FMNL2: variants seen among roughly 807,000 people sequenced by gnomAD.
FMNL2 encodes formin-like protein 2.
In FMNL2, 51 loss-of-function variants were observed where a neutral mutation model predicts 130.2. The observed-to-expected ratio is 0.39, with a 90% CI of 0.31 to 0.49. FMNL2 has a LOEUF of 0.49. Ranked by LOEUF, FMNL2 falls within the 20% of genes least tolerant of loss-of-function variation. The probability of loss-of-function intolerance (pLI) is 0.85; values close to 1 mark genes in which losing one functional copy is unlikely to be tolerated. For synonymous variants in FMNL2, 465 were observed against 467.1 expected (o/e 1.00, Z 0.06); for missense variants, 977 against 1,316.2 (o/e 0.74, Z 3.99).
intron 4 of FMNL2, among the ~76,000 whole-genome samples, chr2:152,554,793 T>G (rs1695118949): frequency 6.6e-6 from 1 of 152,174 alleles, no homozygotes; most frequent in African/African-American, 2.4e-5. Flanking sequence ...ATCACCATAG[T>G]TTGTCAGTTA....
chr2:152,361,878 T>A (rs61079826), intron 1 of FMNL2, among the ~76,000 whole-genome samples: 15,585 of 152,260 alleles, frequency 0.1, 2,169 homozygotes, highest in East Asian at 0.68. Context: ...ATTTTAGTCT[T>A]GTTACTATAA....
intron 4 of FMNL2, among the ~76,000 whole-genome samples, chr2:152,551,179 C>T (rs867605335): frequency 2.4e-4 from 37 of 151,750 alleles, no homozygotes; most frequent in South Asian, 8.3e-4. Context: ...TAAGCATTGC[C>T]GAAGTAATGT....
At chr2:152,608,057 C>T (rs1159883963) in intron 10 of FMNL2, among the ~76,000 whole-genome samples, 1 of 152,056 alleles carries the variant, frequency 6.6e-6, no homozygotes, top group African/African-American at 2.4e-5. Flanking sequence ...CATTCATACA[C>T]GTAAATCTTA....
chr2:152,399,408 G>T (rs765766040), intron 1 of FMNL2, among the ~76,000 whole-genome samples: 1 of 152,150 alleles, frequency 6.6e-6, no homozygotes, highest in Non-Finnish European at 1.5e-5. Flanking sequence ...ATAGATGCTG[G>T]TCCCTCTGGA....
At chr2:152,624,042 TTCCC>T (rs1364291371) in intron 15 of FMNL2, among the ~76,000 whole-genome samples, 199 of 30,336 alleles carry the variant, frequency 6.6e-3, no homozygotes, top group African/African-American at 7.6e-3. Flanking sequence ...ATTCCTTCCC[TTCCC>T]TCCCCTCCCC....
intron 6 of FMNL2, among the ~76,000 whole-genome samples, chr2:152,573,961 G>A (rs1464976904): frequency 2.6e-5 from 4 of 152,166 alleles, no homozygotes; most frequent in African/African-American, 9.7e-5. Context: ...ACAAATAGAA[G>A]CCCTTTGTGT....
At position 152,472,307 on chromosome 2, in the gene FMNL2, GTACGAAAT is replaced by G. The variant is rs1689901081; in HGVS notation, c.118-49633_118-49626del. 2.6e-5 allele frequency among the ~76,000 whole-genome samples: 4 copies of G among 152,270 alleles called. No homozygotes were observed. The South Asian group carries it at 8.3e-4, about 32-fold the overall frequency. ...CAGGTTTTAGATATCCAATTAGTGT[GTACGAAAT>G]TATCCTGGTCACTTATGTCTCAGTT... On this transcript the variant is annotated intron_variant, in intron 1 of 25. Coordinates refer to ENST00000288670, the MANE Select transcript of FMNL2 (RefSeq NM_052905.4).
At chr2:152,338,875 G>A (rs1681640554) in intron 1 of FMNL2, among the ~76,000 whole-genome samples, 1 of 140,538 alleles carries the variant, frequency 7.1e-6, no homozygotes, top group Non-Finnish European at 1.6e-5. Context: ...GCCTTTGTGT[G>A]TGTGTATGTG....
chr2:152,560,714 C>A (rs1339503511), intron 5 of FMNL2, among the ~76,000 whole-genome samples, 169 bp from the exon 6 acceptor site: 1 of 152,190 alleles, frequency 6.6e-6, no homozygotes. Flanking sequence ...TTAAAGCTAA[C>A]ACTGAGCCCA....
chr2:152,627,125 G>A (rs1388248647), intron 17 of FMNL2, among the ~76,000 whole-genome samples: 1 of 152,210 alleles, frequency 6.6e-6, no homozygotes, highest in East Asian at 1.9e-4. Flanking sequence ...AGTTTTCTCT[G>A]GAGTATCTGG....
intron 1 of FMNL2, among the ~76,000 whole-genome samples, chr2:152,460,608 A>G (rs997469848): frequency 1.1e-4 from 17 of 152,220 alleles, no homozygotes; most frequent in African/African-American, 3.9e-4. Flanking sequence ...AGGCCGCACA[A>G]GGGGCAAGTG....
intron 1 of FMNL2, among the ~76,000 whole-genome samples, chr2:152,400,832 G>A (rs1247990595): frequency 2.0e-5 from 3 of 152,170 alleles, no homozygotes; most frequent in Admixed American, 2.0e-4. Flanking sequence ...AATATGCCCT[G>A]GGGGGCAGTC....
chr2:152,421,324 A>G lies in FMNL2; in HGVS notation c.117+85604A>G, dbSNP rs149055900. On this transcript the variant is annotated intron_variant, in intron 1 of 25. Transcript: ENST00000288670. ...CCAACCACAAATTAATTATCCTACT[A>G]TATTTGCAGCAGTGTTAGGGTTACA... 5.9e-3 allele frequency among the ~76,000 whole-genome samples: 906 copies of G among 152,346 alleles called. 9 individuals carry two copies. The highest frequency in any genetic ancestry group is 7.1e-3 in the Non-Finnish European group (483 of 68,028).
In FMNL2 at chr2:152,497,521, C is replaced by T. The variant is rs141959746; in HGVS notation, c.118-24422C>T. Among the ~76,000 whole-genome samples the T allele has an allele frequency of 2.2e-3, 339 of 152,264 alleles. 3 individuals carry two copies. Among genetic ancestry groups the T allele is most frequent in the African/African-American group, 7.8e-3 (325 of 41,548 alleles). ...CTTATAAATACATGAAAAGTATGCT[C>T]AGAAGGTGTCATTTCTTCCTCATTC... is the stretch of plus-strand genomic sequence containing the variant. On this transcript the variant is annotated intron_variant, in intron 1 of 25. Transcript: ENST00000288670.
chr2:152,415,254 G>T (rs944504187), intron 1 of FMNL2, among the ~76,000 whole-genome samples: 21 of 152,064 alleles, frequency 1.4e-4, no homozygotes, highest in Middle Eastern at 3.2e-3. Flanking sequence ...TTTGAATCAT[G>T]CAGGTTCTTG....
At chr2:152,496,861 A>G (rs191066111) in intron 1 of FMNL2, among the ~76,000 whole-genome samples, 26 of 151,094 alleles carry the variant, frequency 1.7e-4, no homozygotes, top group Admixed American at 6.6e-4. Context: ...TTTTGGACCA[A>G]TTTCTTACTT....
intron 10 of FMNL2, among the ~76,000 whole-genome samples, chr2:152,610,567 A>T (rs527958706): frequency 2.0e-5 from 3 of 152,260 alleles, no homozygotes. Flanking sequence ...GTGGTCTTCT[A>T]TAACGGGTTT....
intron 9 of FMNL2, among the ~76,000 whole-genome samples, chr2:152,582,565 T>C (rs958227212): frequency 6.6e-6 from 1 of 152,194 alleles, no homozygotes; most frequent in Admixed American, 6.5e-5. Context: ...TGAAGAAGAA[T>C]AATAGTGAAT....
intron 1 of FMNL2, among the ~76,000 whole-genome samples, chr2:152,466,862 A>C (rs976852512): frequency 6.6e-6 from 1 of 152,186 alleles, no homozygotes; most frequent in Admixed American, 6.6e-5. Context: ...GATGCCAGCA[A>C]TAAAATCATG....
Sources: allele counts gnomAD v4.1 joint callset (sites outside exome capture counted in the v4.1 genomes callset), GRCh38; gene constraint gnomAD v4.1.1; transcripts MANE v1.5; gene names NCBI Gene and HGNC (gene_info 2026-07-23, HGNC 2026-07-21).